EDIL3: variants seen among roughly 807,000 people sequenced by gnomAD.
The protein encoded by EDIL3 is EGF like and discoidin domains 3, also known as EGF-like repeat and discoidin I-like domain-containing protein 3.
EDIL3 carries 37 observed loss-of-function variants against 67.4 expected under a neutral mutation model. The ratio of observed to expected loss-of-function variants is 0.55; its 90% CI spans 0.42 to 0.72. EDIL3 has a LOEUF of 0.72. Ranked by LOEUF, EDIL3 falls within the 30% of genes least tolerant of loss-of-function variation. The pLI is 0.00. For missense variants in EDIL3, 527 were observed against 586.3 expected, an observed-to-expected ratio of 0.90 and a Z score of 1.04; for synonymous variants, 195 against 196.3, an observed-to-expected ratio of 0.99 and a Z score of 0.05.
chr5:84,381,038 G>T (rs1214743933), intron 1 of EDIL3, among the ~76,000 whole-genome samples: 1 of 152,074 alleles, frequency 6.6e-6, no homozygotes, highest in South Asian at 2.1e-4. Flanking sequence ...ATTTAGAAAA[G>T]TATTCAGAAA....
chr5:84,303,870 A>G (rs887157104), intron 1 of EDIL3, among the ~76,000 whole-genome samples: 63 of 133,378 alleles, frequency 4.7e-4, no homozygotes, highest in African/African-American at 1.5e-3. Flanking sequence ...GTGTGTGTGC[A>G]TGCATGCCCA....
At chr5:83,965,763 C>T (rs1744680193) in intron 9 of EDIL3, among the ~76,000 whole-genome samples, 1 of 151,744 alleles carries the variant, frequency 6.6e-6, no homozygotes, top group Non-Finnish European at 1.5e-5. Context: ...CCTTCTGCAA[C>T]ATTTTTTTTT....
At chr5:84,301,708 A>C (rs1174186422) in intron 1 of EDIL3, among the ~76,000 whole-genome samples, 2 of 152,214 alleles carry the variant, frequency 1.3e-5, no homozygotes, top group Non-Finnish European at 1.5e-5. Flanking sequence ...TAATCAAATA[A>C]ATTTAAAAAA....
chr5:84,291,814 C>CAT (rs1244452402), intron 1 of EDIL3, among the ~76,000 whole-genome samples: 81 of 147,286 alleles, frequency 5.5e-4, no homozygotes, highest in African/African-American at 1.8e-3. Flanking sequence ...TATACACACA[C>CAT]ATATATATAC....
At chr5:84,009,657 T>C (rs1284540536) in intron 9 of EDIL3, among the ~76,000 whole-genome samples, 1 of 151,972 alleles carries the variant, frequency 6.6e-6, no homozygotes, top group Admixed American at 6.6e-5. Flanking sequence ...CTGTCAAGAG[T>C]GAAGAGCCCT....
At chr5:83,970,543 A>G (rs1744773354) in intron 9 of EDIL3, among the ~76,000 whole-genome samples, 1 of 146,380 alleles carries the variant, frequency 6.8e-6, no homozygotes, top group Non-Finnish European at 1.5e-5. Flanking sequence ...TAAATCTACA[A>G]TTTTCTCTGA....
intron 1 of EDIL3, among the ~76,000 whole-genome samples, chr5:84,306,744 G>A (rs1746282907): frequency 6.6e-6 from 1 of 152,190 alleles, no homozygotes; most frequent in Admixed American, 6.5e-5. Context: ...CCCTGAATAA[G>A]TCATTTCCTA....
chr5:84,263,423 C>T (rs866298387), intron 1 of EDIL3, among the ~76,000 whole-genome samples: 7 of 152,104 alleles, frequency 4.6e-5, no homozygotes, highest in Middle Eastern at 3.2e-3. Context: ...GTTAAAGAAT[C>T]AAAGGGGTAG....
In EDIL3 at chr5:84,305,918, AATAG is replaced by A. The variant is rs201813036; in HGVS notation, c.68-51710_68-51707del. Among the ~76,000 whole-genome samples the A allele has an allele frequency of 2.5e-3, 379 of 149,816 alleles. 1 individual carries two copies. The highest frequency in any genetic ancestry group is 0.011 in the East Asian group (58 of 5,136). On this transcript the variant is annotated intron_variant, in intron 1 of 10. Coordinates refer to ENST00000296591, the MANE Select transcript of EDIL3 (RefSeq NM_005711.5). ...AAATAAATAAATAAATAAATAAATA[AATAG>A]ATAGATAAATAAATAAAATACACTG... is the stretch of plus-strand genomic sequence containing the variant.
At chr5:84,249,950 T>G (rs60528905) in intron 2 of EDIL3, among the ~76,000 whole-genome samples, 7,832 of 151,944 alleles carry the variant, frequency 0.052, 215 homozygotes, top group Middle Eastern at 0.11. Flanking sequence ...TATATATATA[T>G]AGAGAGAGAG....
chr5:84,132,623 G>A (rs1218829983), intron 5 of EDIL3, among the ~76,000 whole-genome samples: 1 of 116,394 alleles, frequency 8.6e-6, no homozygotes, highest in East Asian at 2.2e-4. Context: ...TATACACACA[G>A]TATATATTGT....
chr5:84,031,993 T>C (rs1745933624), intron 9 of EDIL3, among the ~76,000 whole-genome samples: 1 of 152,164 alleles, frequency 6.6e-6, no homozygotes, highest in Non-Finnish European at 1.5e-5. Flanking sequence ...CAGGACAAAA[T>C]CAGTGTTTTC....
intron 1 of EDIL3, among the ~76,000 whole-genome samples, chr5:84,279,646 T>C (rs1407045491): frequency 2.0e-5 from 3 of 152,160 alleles, no homozygotes; most frequent in African/African-American, 7.2e-5. Context: ...GATGCCTTGG[T>C]CTAAAAAAGA....
chr5:84,110,481 T>C (rs1190916644), intron 5 of EDIL3, among the ~76,000 whole-genome samples: 1 of 152,214 alleles, frequency 6.6e-6, no homozygotes, highest in Non-Finnish European at 1.5e-5. Flanking sequence ...TATGAAAATA[T>C]ACATTGCTTT....
chr5:84,238,787 C>T (rs1744732859), intron 2 of EDIL3, among the ~76,000 whole-genome samples: 1 of 147,282 alleles, frequency 6.8e-6, no homozygotes, highest in African/African-American at 2.5e-5. Context: ...AACTTGTCTC[C>T]CTAGGCTAAA....
At chr5:84,372,091 G>T (rs367714890) in intron 1 of EDIL3, among the ~76,000 whole-genome samples, 6 of 152,004 alleles carry the variant, frequency 3.9e-5, no homozygotes, top group Admixed American at 2.6e-4. Context: ...ACAGACTAAC[G>T]TATGTGGCGG....
At chr5:84,363,562 A>C (rs2112203752) in intron 1 of EDIL3, among the ~76,000 whole-genome samples, 1 of 152,270 alleles carries the variant, frequency 6.6e-6, no homozygotes, top group Non-Finnish European at 1.5e-5. Flanking sequence ...ATTCCATAAT[A>C]TTGGCTAAAA....
chr5:84,270,295 A>G (rs1291065955), intron 1 of EDIL3, among the ~76,000 whole-genome samples: 1 of 152,220 alleles, frequency 6.6e-6, no homozygotes, highest in Non-Finnish European at 1.5e-5. Context: ...ATGATGGGCC[A>G]TGAATGTTAA....
chr5:84,226,508 G>A (rs1373963), intron 3 of EDIL3, among the ~76,000 whole-genome samples: 47,680 of 151,312 alleles, frequency 0.32, 7,683 homozygotes, highest in African/African-American at 0.38. Context: ...ATAATTATTC[G>A]TATTCCTTAT....
Sources: gnomAD v4.1 joint callset for allele counts (sites outside exome capture counted in the v4.1 genomes callset) on GRCh38, gnomAD v4.1.1 for gene constraint, MANE v1.5 for transcripts, NCBI Gene and HGNC (gene_info 2026-07-23, HGNC 2026-07-21) for gene names.